Variants in FYN observed in about 807,000 individuals in gnomAD.
The protein encoded by FYN is FYN proto-oncogene, Src family tyrosine kinase.
Under a neutral mutation model 70.2 loss-of-function variants are expected in FYN, and 10 were observed. The ratio of observed to expected loss-of-function variants is 0.14; its 90% CI spans 0.09 to 0.24. FYN has a LOEUF of 0.24. Ranked by LOEUF, FYN falls within the 10% of genes least tolerant of loss-of-function variation. FYN has a pLI of 1.00. For missense variants in FYN, 319 were observed against 673.1 expected, an observed-to-expected ratio of 0.47 and a Z score of 5.82; for synonymous variants, 236 against 248.6, an observed-to-expected ratio of 0.95 and a Z score of 0.48.
At chr6:111,782,651 C>T (rs963242104) in intron 2 of FYN, among the ~76,000 whole-genome samples, 1 of 152,190 alleles carries the variant, frequency 6.6e-6, no homozygotes, top group Admixed American at 6.5e-5. Context: ...AAGCATAATG[C>T]CTGCCTTCCT....
chr6:111,717,461 C>CTT (rs376373236), intron 4 of FYN, among the ~76,000 whole-genome samples: 1 of 145,986 alleles, frequency 6.8e-6, no homozygotes. Flanking sequence ...AGGGAGCCCA[C>CTT]TTTTTTTTTT....
In FYN at chr6:111,813,649, T is replaced by G. The variant is rs566339555; in HGVS notation, c.-82+32940A>C. The stretch of plus-strand genomic sequence containing the variant: ...GAAGTTGCAGACTTAAATCAGCTAC[T>G]TTACCTCTCTAGGCCTCAGTTTTGC... On this transcript the variant is annotated intron_variant, in intron 2 of 13. Transcript: ENST00000354650. 3.9e-5 allele frequency among the ~76,000 whole-genome samples: 6 copies of G among 152,332 alleles called. No homozygotes were observed. The South Asian group carries it at 1.2e-3, about 32-fold the overall frequency.
intron 3 of FYN, among the ~76,000 whole-genome samples, chr6:111,729,462 G>A (rs1253840235): frequency 6.8e-6 from 1 of 146,180 alleles, no homozygotes; most frequent in Non-Finnish European, 1.5e-5. Context: ...GTGACAGAGT[G>A]AGACTGCCTC....
At chr6:111,829,694 A>G (rs1562536748) in intron 2 of FYN, among the ~76,000 whole-genome samples, 1 of 152,204 alleles carries the variant, frequency 6.6e-6, no homozygotes, top group Non-Finnish European at 1.5e-5. Flanking sequence ...AGCTTCCCTG[A>G]CTTGCGGCTT....
chr6:111,731,247 T>A (rs1801436334), intron 3 of FYN, among the ~76,000 whole-genome samples: 1 of 152,250 alleles, frequency 6.6e-6, no homozygotes, highest in African/African-American at 2.4e-5. Context: ...ATTCTTTTTC[T>A]CTTTCTTTAA....
rs1036431822 is a variant in FYN at position 111,707,799 on chromosome 6, G to C, written c.443+123C>G. ...GGGTAAAAACCGGGGCAGAAAGCCT[G>C]AAAAACTCAGCCTTAATCACTGCTG... On this transcript the variant is annotated intron_variant, in intron 6 of 13. Coordinates refer to ENST00000354650, the MANE Select transcript of FYN (RefSeq NM_002037.5). 1.1e-4 allele frequency: 77 copies of C among 724,688 alleles called. No homozygotes were observed. The South Asian group carries it at 1.1e-3, about 10-fold the overall frequency. The allele number at this position is 724,688 out of a possible 1,614,324, so 44.9% of individuals were successfully genotyped here.
At chr6:111,829,436 T>C (rs569507199) in intron 2 of FYN, among the ~76,000 whole-genome samples, 109 of 152,320 alleles carry the variant, frequency 7.2e-4, no homozygotes, top group African/African-American at 2.6e-3. Context: ...CGTAGGATAA[T>C]TAGTAAGTAT....
chr6:111,782,259 C>T (rs1255716205), intron 2 of FYN, among the ~76,000 whole-genome samples: 1 of 152,114 alleles, frequency 6.6e-6, no homozygotes, highest in African/African-American at 2.4e-5. Context: ...AGGGAAGGTC[C>T]TATCTTCTTC....
Position 111,661,685 on chromosome 6 carries a change from T to G in FYN, c.*54A>C, listed in dbSNP as rs1473311033. 1 of 1,516,028 alleles carries G rather than the reference T, an allele frequency of 6.6e-7. No homozygotes were observed. Among genetic ancestry groups the G allele is most frequent in the Admixed American group, 1.8e-5 (1 of 55,470 alleles). The allele number at this position is 1,516,028 out of a possible 1,614,324, so 93.9% of individuals were successfully genotyped here. ...AGCTGGCTACGGAATTGAAAGCTAA[T>G]GGGGAGGGGTGGGGCAGCCTCTGGG... On this transcript the variant is annotated 3_prime_UTR_variant, in exon 14 of 14. Transcript: ENST00000354650. This position sits in a 1 kb window ranked among gnomAD's most constrained non-coding sequence, Gnocchi z 4.0.
chr6:111,671,110 C>G (rs182940146), intron 13 of FYN, among the ~76,000 whole-genome samples: 2 of 152,330 alleles, frequency 1.3e-5, no homozygotes, highest in Admixed American at 1.3e-4. Flanking sequence ...TCGAAAGCAA[C>G]CTTCCTCATC....
At chr6:111,684,173 T>A (rs1010327769) in intron 12 of FYN, among the ~76,000 whole-genome samples, 1 of 152,108 alleles carries the variant, frequency 6.6e-6, no homozygotes, top group African/African-American at 2.4e-5. Context: ...AGGAATGCTG[T>A]CCCACCGGGG....
At chr6:111,696,527 C>T (rs1799582658) in intron 9 of FYN, 71 bp from the exon 10 acceptor site, 4 of 1,242,536 alleles carry the variant, frequency 3.2e-6, no homozygotes. Context: ...TGACCACCAG[C>T]TATTTGCATA....
intron 3 of FYN, 144 bp downstream of exon 3, chr6:111,780,422 A>G (rs1358077718): frequency 6.6e-6 from 1 of 152,470 alleles, no homozygotes; most frequent in Non-Finnish European, 1.5e-5. Flanking sequence ...GAAAACATCA[A>G]TTCAATGTCA....
intron 3 of FYN, among the ~76,000 whole-genome samples, chr6:111,752,039 G>A (rs1254559681): frequency 1.3e-5 from 2 of 152,212 alleles, no homozygotes; most frequent in Non-Finnish European, 2.9e-5. Context: ...ACAAATATAA[G>A]ACTTTATTTT....
At chr6:111,804,495 A>C (rs1393691202) in intron 2 of FYN, among the ~76,000 whole-genome samples, 1 of 152,218 alleles carries the variant, frequency 6.6e-6, no homozygotes, top group African/African-American at 2.4e-5. Flanking sequence ...AAAAATCCAG[A>C]AGGAGGTAAA....
At chr6:111,704,311 A>G (rs868440591) in intron 6 of FYN, among the ~76,000 whole-genome samples, 1 of 152,318 alleles carries the variant, frequency 6.6e-6, no homozygotes. Flanking sequence ...TCTTTAAAAA[A>G]AATCAGATTT....
rs549015298 is a variant in FYN, at chr6:111,660,995, C to T, written c.*744G>A. 2 of 152,160 alleles carry T rather than the reference C, an allele frequency of 1.3e-5. No individual in the cohort carries two copies. The highest frequency in any genetic ancestry group is 2.4e-5 in the African/African-American group (1 of 41,496). The allele number at this position is 152,160 out of a possible 1,614,324, so 9.4% of individuals were successfully genotyped here. ...TTGGGGGGTGGTTCCTGAAAAGAGT[C>T]AAAGTAACAACCACCTACAGGTACA... On this transcript the variant is annotated 3_prime_UTR_variant, in exon 14 of 14. Transcript: ENST00000354650.
chr6:111,698,160 T>A (rs1226870721), intron 9 of FYN, among the ~76,000 whole-genome samples: 2 of 142,854 alleles, frequency 1.4e-5, no homozygotes, highest in African/African-American at 6.0e-5. Context: ...AGTTTCGCTT[T>A]TGTTGCCCAG....
intron 3 of FYN, among the ~76,000 whole-genome samples, chr6:111,775,667 T>G (rs1180495269): frequency 6.6e-6 from 1 of 152,332 alleles, no homozygotes; most frequent in South Asian, 2.1e-4. Context: ...GAACAGGGAT[T>G]CTCACAATTT....
Sources: allele counts gnomAD v4.1 joint callset (sites outside exome capture counted in the v4.1 genomes callset), GRCh38; gene constraint gnomAD v4.1.1; non-coding constraint Gnocchi (gnomAD v3.1); transcripts MANE v1.5; gene names NCBI Gene and HGNC (gene_info 2026-07-23, HGNC 2026-07-21).